Variants in FRMD4A observed in about 807,000 individuals in gnomAD.
FRMD4A encodes FERM domain containing 4A, also known as FERM domain-containing protein 4A.
FRMD4A carries 29 observed loss-of-function variants against 129.1 expected under a neutral mutation model. That is an observed-to-expected ratio of 0.22 (90% confidence interval 0.17 to 0.31). The LOEUF (loss-of-function observed/expected upper bound fraction) is 0.31. Ranked by LOEUF, FRMD4A falls within the 10% of genes least tolerant of loss-of-function variation. The pLI is 1.00. For missense variants in FRMD4A, 1,272 were observed against 1,375.8 expected (o/e 0.92, Z 1.19); for synonymous variants, 634 against 571.6 (o/e 1.11, Z -1.56).
At chr10:13,699,168 C>T (rs184337831) in intron 14 of FRMD4A, among the ~76,000 whole-genome samples, 2 of 150,484 alleles carry the variant, frequency 1.3e-5, no homozygotes, top group African/African-American at 4.9e-5. Flanking sequence ...CAATTCTCCT[C>T]CCTCAGCCTC....
chr10:13,904,908 G>T (rs559142478), intron 2 of FRMD4A, among the ~76,000 whole-genome samples: 1 of 139,572 alleles, frequency 7.2e-6, no homozygotes, highest in Non-Finnish European at 1.5e-5. Flanking sequence ...CAGGAGAATC[G>T]CTTGAACCCG....
At chr10:14,196,384 A>T (rs1842473775) in intron 2 of FRMD4A, among the ~76,000 whole-genome samples, 1 of 152,216 alleles carries the variant, frequency 6.6e-6, no homozygotes, top group African/African-American at 2.4e-5. Context: ...AAGCTGCAAG[A>T]GTTCCAGACA....
chr10:14,299,187 T>A (rs987414), intron 2 of FRMD4A, among the ~76,000 whole-genome samples: 43,665 of 152,086 alleles, frequency 0.29, 6,787 homozygotes, highest in Middle Eastern at 0.36. Flanking sequence ...GGATATCCCA[T>A]TCTCTTCTGA....
chr10:13,883,044 TC>T (rs2094565433), intron 2 of FRMD4A, among the ~76,000 whole-genome samples: 2 of 152,004 alleles, frequency 1.3e-5, no homozygotes, highest in Non-Finnish European at 2.9e-5. Context: ...CCTCAAGTGA[TC>T]CTCTCGCCTC....
chr10:13,975,412 CAT>C (rs2095538763), intron 2 of FRMD4A, among the ~76,000 whole-genome samples: 1 of 150,472 alleles, frequency 6.6e-6, no homozygotes, highest in Non-Finnish European at 1.5e-5. Flanking sequence ...TGTGTCTGTG[CAT>C]ATGTGTCTGT....
chr10:14,159,126 A>T (rs1840752193), intron 2 of FRMD4A, among the ~76,000 whole-genome samples: 1 of 152,196 alleles, frequency 6.6e-6, no homozygotes, highest in African/African-American at 2.4e-5. Flanking sequence ...ATAGTACATT[A>T]AAAATGTCTC....
At chr10:13,893,029 T>TTGTG (rs1310989839) in intron 2 of FRMD4A, among the ~76,000 whole-genome samples, 1 of 152,020 alleles carries the variant, frequency 6.6e-6, no homozygotes, top group Non-Finnish European at 1.5e-5. Flanking sequence ...ACTACCTGTT[T>TTGTG]TGTGTTTGTT....
chr10:14,138,633 G>A (rs572229631), intron 2 of FRMD4A, among the ~76,000 whole-genome samples: 21 of 152,070 alleles, frequency 1.4e-4, no homozygotes, highest in Middle Eastern at 6.8e-3. Context: ...GGTGGTGCGC[G>A]CCTGTAATCC....
intron 3 of FRMD4A, among the ~76,000 whole-genome samples, chr10:13,834,497 T>A (rs1655860797): frequency 6.6e-6 from 1 of 152,134 alleles, no homozygotes; most frequent in African/African-American, 2.4e-5. Flanking sequence ...TCAAGCCCCT[T>A]CCCCCGGAGG....
intron 3 of FRMD4A, among the ~76,000 whole-genome samples, chr10:13,816,720 G>T (rs572964789): frequency 6.6e-6 from 1 of 152,206 alleles, no homozygotes; most frequent in African/African-American, 2.4e-5. Context: ...ACAGAATCCC[G>T]CTGAGTATAA....
intron 3 of FRMD4A, among the ~76,000 whole-genome samples, chr10:13,841,026 T>C (rs1256116225): frequency 6.6e-6 from 1 of 152,062 alleles, no homozygotes; most frequent in Admixed American, 6.5e-5. Context: ...GAGGATGGCT[T>C]GAGCCCAGGA....
chr10:13,826,631 C>T (rs541933783), intron 3 of FRMD4A, among the ~76,000 whole-genome samples: 16 of 152,138 alleles, frequency 1.1e-4, no homozygotes, highest in Non-Finnish European at 2.4e-4. Context: ...AAAGCGTTAC[C>T]TCCCCATGGC....
chr10:14,117,669 A>T (rs1838269004), intron 2 of FRMD4A, among the ~76,000 whole-genome samples: 1 of 152,160 alleles, frequency 6.6e-6, no homozygotes, highest in Non-Finnish European at 1.5e-5. Flanking sequence ...GAGAAGGTGG[A>T]AGGAGGGTGG....
chr10:14,006,259 A>G (rs1037741336), intron 2 of FRMD4A, among the ~76,000 whole-genome samples: 11 of 152,198 alleles, frequency 7.2e-5, no homozygotes, highest in Admixed American at 7.2e-4. Context: ...AAGGATGTGC[A>G]GCGCGGGAGG....
chr10:14,271,026 C>T (rs1845146760), intron 2 of FRMD4A, among the ~76,000 whole-genome samples: 1 of 152,182 alleles, frequency 6.6e-6, no homozygotes, highest in Non-Finnish European at 1.5e-5. Flanking sequence ...AGCTACCAAT[C>T]ATGGTAGAAG....
At chr10:13,921,418 T>C (rs1194093251) in intron 2 of FRMD4A, among the ~76,000 whole-genome samples, 1 of 152,066 alleles carries the variant, frequency 6.6e-6, no homozygotes, top group Non-Finnish European at 1.5e-5. Flanking sequence ...TGTGCCACCA[T>C]GCTTGGCTAA....
At chr10:14,133,553 C>A (rs1174300848) in intron 2 of FRMD4A, among the ~76,000 whole-genome samples, 2 of 152,188 alleles carry the variant, frequency 1.3e-5, no homozygotes, top group African/African-American at 4.8e-5. Context: ...ACAGTCTGAG[C>A]CTGCAGGACC....
intron 2 of FRMD4A, among the ~76,000 whole-genome samples, chr10:14,231,589 G>A (rs7074506): frequency 0.84 from 128,375 of 152,048 alleles, 54,853 homozygotes; most frequent in South Asian, 0.97. Context: ...CTTTTGATCC[G>A]CCCATCTTGG....
At position 14,330,830 on chromosome 10, in the gene FRMD4A, G is replaced by A. The variant is rs1589325041; in HGVS notation, c.-315C>T. On this transcript the variant is annotated 5_prime_UTR_variant, in exon 1 of 25. Coordinates refer to ENST00000357447, the MANE Select transcript of FRMD4A (RefSeq NM_018027.5). ...AGACTGGCCAGCTCAGCTCCCGGTA[G>A]GGCTAACATACTTAAGAGGAACATG... 1 of 398,668 alleles carries A rather than the reference G, an allele frequency of 2.5e-6. No individual in the cohort carries two copies. Among genetic ancestry groups the A allele is most frequent in the African/African-American group, 2.1e-5 (1 of 48,714 alleles). The allele number at this position is 398,668 out of a possible 1,614,324, so 24.7% of individuals were successfully genotyped here.
Sources: gnomAD v4.1 joint callset for allele counts (sites outside exome capture counted in the v4.1 genomes callset) on GRCh38, gnomAD v4.1.1 for gene constraint, MANE v1.5 for transcripts, NCBI Gene and HGNC (gene_info 2026-07-23, HGNC 2026-07-21) for gene names.